The following ATP10B variants were observed in gnomAD, a reference collection of about 807,000 sequenced individuals.
ATP10B encodes phospholipid-transporting ATPase VB.
In ATP10B, 122 loss-of-function variants were observed where a neutral mutation model predicts 141.2. The ratio of observed to expected loss-of-function variants is 0.86; its 90% CI spans 0.75 to 1.00. ATP10B has a LOEUF of 1.00. ATP10B is among the 50% of genes least tolerant of loss of function. The pLI is 0.00. For missense variants in ATP10B, 1,876 were observed against 1,825.3 expected (o/e 1.03, Z -0.51); for synonymous variants, 685 against 692.0 (o/e 0.99, Z 0.16).
At chr5:160,909,434 C>T in the ATP10B span, among the ~76,000 whole-genome samples, 2 of 152,164 alleles carry the variant, frequency 1.3e-5, no homozygotes. Context: ...TCATGTATGC[C>T]ATGGTATGGT....
Position 160,642,704 on chromosome 5 carries a change from G to A in ATP10B, c.868+1434C>T, listed in dbSNP as rs534663729. Among the ~76,000 whole-genome samples, 104 of 152,278 alleles carry A rather than the reference G, an allele frequency of 6.8e-4. 1 individual carries two copies. The highest frequency in any genetic ancestry group is 2.5e-3 in the African/African-American group (102 of 41,570). On this transcript the variant is annotated intron_variant, in intron 9 of 25. Coordinates refer to ENST00000327245, the MANE Select transcript of ATP10B (RefSeq NM_025153.3). ...CTGGTATCTTCTTTCTCATAGTTTT[G>A]CGGGCCTGATGTATTCCAACTGTCG...
At chr5:160,602,775 G>T (rs781296176) in intron 20 of ATP10B, 73 bp from the exon 21 acceptor site, 1 of 1,596,340 alleles carries the variant, frequency 6.3e-7, no homozygotes, top group Non-Finnish European at 8.6e-7. Context: ...TCTCAAGGGC[G>T]TTGCTTTGGT....
At chr5:160,783,354 C>A (rs888383160) in intron 2 of ATP10B, among the ~76,000 whole-genome samples, 2 of 144,214 alleles carry the variant, frequency 1.4e-5, no homozygotes, top group Non-Finnish European at 3.0e-5. Flanking sequence ...TAATTCATTC[C>A]TTTTTATAGC....
chr5:160,719,925 A>G (rs1414949691), intron 2 of ATP10B, among the ~76,000 whole-genome samples: 1 of 152,190 alleles, frequency 6.6e-6, no homozygotes, highest in East Asian at 1.9e-4. Context: ...TGCCATCCCA[A>G]GAAAAACTAA....
intron 3 of ATP10B, among the ~76,000 whole-genome samples, chr5:160,715,105 G>GAGGC (rs1374030932): frequency 2.0e-5 from 3 of 147,894 alleles, no homozygotes; most frequent in South Asian, 2.3e-4. Context: ...GGAGCCTACA[G>GAGGC]AGGCAGGCAG....
chr5:160,815,186 A>T (rs978187573), intron 1 of ATP10B, among the ~76,000 whole-genome samples: 1 of 152,216 alleles, frequency 6.6e-6, no homozygotes, highest in East Asian at 1.9e-4. Flanking sequence ...AAAGACACAG[A>T]CTGGCAAATT....
intron 1 of ATP10B, among the ~76,000 whole-genome samples, chr5:160,788,636 A>G (rs535928431): frequency 1.3e-5 from 2 of 152,254 alleles, no homozygotes; most frequent in East Asian, 1.9e-4. Context: ...ACTCCTTTCA[A>G]TAGAATGCCC....
Position 160,564,745 on chromosome 5 carries a change from A to G in ATP10B, c.*708T>C, listed in dbSNP as rs1234031299. 1.3e-5 allele frequency: 2 copies of G among 152,234 alleles called. No individual in the cohort carries two copies. Among genetic ancestry groups the G allele is most frequent in the Admixed American group, 6.5e-5 (1 of 15,280 alleles). The allele number at this position is 152,234 out of a possible 1,614,324, so 9.4% of individuals were successfully genotyped here. On this transcript the variant is annotated 3_prime_UTR_variant, in exon 26 of 26. Transcript: ENST00000327245. ...GGACATATGGTCTGTCAGCCAAAAC[A>G]GGGGTCTCTGGTGCACCCGTTCCCT...
intron 6 of ATP10B, among the ~76,000 whole-genome samples, chr5:160,673,771 GATA>G (rs1762867748): frequency 6.6e-6 from 1 of 152,100 alleles, no homozygotes; most frequent in African/African-American, 2.4e-5. Flanking sequence ...TGACTCAGGG[GATA>G]ATATTTTTCC....
chr5:160,808,603 T>C lies in ATP10B; in HGVS notation c.-575-22800A>G, dbSNP rs556423604. 1.8e-4 allele frequency among the ~76,000 whole-genome samples: 28 copies of C among 152,318 alleles called. 1 individual carries two copies. Among genetic ancestry groups the C allele is most frequent in the Admixed American group, 5.2e-4 (8 of 15,300 alleles). On this transcript the variant is annotated intron_variant, in intron 1 of 25. Coordinates refer to ENST00000327245, the MANE Select transcript of ATP10B (RefSeq NM_025153.3). Reference sequence around the variant, plus strand: ...CTTAACTGGATTGGCCACATTATTCTCTCTCCCTGGAATGTTCTGCCCCAA... The same window carrying C: ...CTTAACTGGATTGGCCACATTATTCCCTCTCCCTGGAATGTTCTGCCCCAA...
At chr5:160,871,987 G>A in the ATP10B span, among the ~76,000 whole-genome samples, 1 of 151,982 alleles carries the variant, frequency 6.6e-6, no homozygotes, top group Non-Finnish European at 1.5e-5. Context: ...TTCCATAGTG[G>A]CTGTACTAGT....
chr5:160,567,384 C>T (rs182574234), intron 25 of ATP10B, among the ~76,000 whole-genome samples: 504 of 152,332 alleles, frequency 3.3e-3, no homozygotes, highest in Middle Eastern at 6.8e-3. Flanking sequence ...CTCAAATCCA[C>T]GCCCTTAAAT....
intron 2 of ATP10B, among the ~76,000 whole-genome samples, chr5:160,757,065 G>A (rs972409517): frequency 6.6e-6 from 1 of 151,826 alleles, no homozygotes; most frequent in African/African-American, 2.4e-5. Flanking sequence ...AATACATTTT[G>A]TAATTTTAGA....
the ATP10B span, among the ~76,000 whole-genome samples, chr5:160,886,736 C>G: frequency 6.6e-6 from 1 of 152,074 alleles, no homozygotes; most frequent in Admixed American, 6.6e-5. Context: ...CAAAAAGAAC[C>G]TCTAAAAGAT....
In ATP10B at chr5:160,852,095, G is replaced by A. The variant is rs566013569; in HGVS notation, c.-730C>T. The A allele has an allele frequency of 1.3e-5, 2 of 152,128 alleles. No homozygotes were observed. The highest frequency in any genetic ancestry group is 2.9e-5 in the Non-Finnish European group (2 of 68,032). The allele number at this position is 152,128 out of a possible 1,614,324, so 9.4% of individuals were successfully genotyped here. On this transcript the variant is annotated 5_prime_UTR_variant, in exon 1 of 26. Transcript: ENST00000327245. ...TTATATCTGATTATGTCAAGGCAAG[G>A]CCTCAAGCTAACACTCCCTCAGAAA...
chr5:160,595,216 T>C (rs2127617396), intron 22 of ATP10B, among the ~76,000 whole-genome samples: 1 of 152,278 alleles, frequency 6.6e-6, no homozygotes, highest in South Asian at 2.1e-4. Context: ...GCAATCAAAC[T>C]AGAACTCAGG....
intron 2 of ATP10B, among the ~76,000 whole-genome samples, chr5:160,761,438 C>G (rs1374756627): frequency 1.3e-5 from 2 of 151,358 alleles, no homozygotes; most frequent in African/African-American, 4.9e-5. Context: ...TCCCCAGCAC[C>G]AGGGCCCAGT....
the ATP10B span, among the ~76,000 whole-genome samples, chr5:160,903,859 G>A: frequency 6.6e-6 from 1 of 152,218 alleles, no homozygotes; most frequent in African/African-American, 2.4e-5. Flanking sequence ...GGTCAGCAAG[G>A]AATAGACTCA....
intron 2 of ATP10B, among the ~76,000 whole-genome samples, chr5:160,775,053 A>G (rs1418486271): frequency 6.6e-6 from 1 of 152,246 alleles, no homozygotes; most frequent in Non-Finnish European, 1.5e-5. Flanking sequence ...TCAGGGAGGC[A>G]GAACTGAAGT....
Sources: allele counts gnomAD v4.1 joint callset (sites outside exome capture counted in the v4.1 genomes callset), GRCh38; gene constraint gnomAD v4.1.1; transcripts MANE v1.5; gene names NCBI Gene and HGNC (gene_info 2026-07-23, HGNC 2026-07-21).